FOXP1: variants seen among roughly 807,000 people sequenced by gnomAD.
FOXP1 encodes the protein forkhead box P1.
Under a neutral mutation model 98.2 loss-of-function variants are expected in FOXP1, and 15 were observed. The observed-to-expected ratio is 0.15, with a 90% CI of 0.10 to 0.24. The LOEUF (loss-of-function observed/expected upper bound fraction) is 0.24, where lower values mean the gene tolerates loss of function less well. Among genes scored for constraint, FOXP1 ranks in the 10% least tolerant of loss-of-function variants. The pLI is 1.00. For synonymous variants in FOXP1, 371 were observed against 314.5 expected, an observed-to-expected ratio of 1.18 and a Z score of -1.90; for missense variants, 633 against 848.5, an observed-to-expected ratio of 0.75 and a Z score of 3.15.
Position 71,041,512 on chromosome 3 carries a change from G to C in FOXP1, c.685C>G (p.Gln229Glu), listed in dbSNP as rs758563562. Reference sequence around the variant, plus strand: ...CTTGTCACTTCTTTCCAGAGCTGCTGCAGTTCTGTTGGAATCATGCCTGAA... The same window carrying C: ...CTTGTCACTTCTTTCCAGAGCTGCTCCAGTTCTGTTGGAATCATGCCTGAA... ...LAQGMIPTEL[Q>E]QLWKEVTSAH... is the part of the protein sequence containing the mutation. Residue 229 changes from glutamine to glutamate, a missense_variant, in exon 11 of 21, where the codon CAG becomes GAG. Gln to Glu is a conservative substitution (Grantham distance 29). Transcript: ENST00000649528. 6.2e-7 allele frequency: 1 copy of C among 1,613,812 alleles called. No homozygotes were observed. The highest frequency in any genetic ancestry group is 1.1e-5 in the South Asian group (1 of 91,090).
intron 3 of FOXP1, among the ~76,000 whole-genome samples, chr3:71,397,075 C>CACATATATATGTGTATATATATACACAT (rs1398732675): frequency 2.6e-5 from 1 of 38,474 alleles, no homozygotes; most frequent in African/African-American, 1.2e-4. Flanking sequence ...TATATATATA[C>CACATATATATGTGTATATATATACACAT]ATATATATGT....
At chr3:71,396,979 TATGTGTATATATATAC>T (rs2081468351) in intron 3 of FOXP1, among the ~76,000 whole-genome samples, 1 of 61,238 alleles carries the variant, frequency 1.6e-5, no homozygotes, top group Admixed American at 1.5e-4. Flanking sequence ...TATATATATA[TATGTGTATATATATAC>T]ACATATATAT....
chr3:71,384,238 AAACAAACC>A (rs1389287374), intron 3 of FOXP1, among the ~76,000 whole-genome samples: 10 of 152,050 alleles, frequency 6.6e-5, no homozygotes, highest in Admixed American at 3.3e-4. Flanking sequence ...ACAAACAAAC[AAACAAACC>A]AACAAACAAA....
intron 11 of FOXP1, among the ~76,000 whole-genome samples, chr3:71,022,123 A>G (rs1411429783): frequency 6.6e-6 from 1 of 152,142 alleles, no homozygotes; most frequent in East Asian, 1.9e-4. Flanking sequence ...GTTTTAAGTT[A>G]ATTTTTGCAT....
chr3:71,024,349 T>A (rs1357645636), intron 11 of FOXP1, among the ~76,000 whole-genome samples: 1 of 152,196 alleles, frequency 6.6e-6, no homozygotes, highest in Non-Finnish European at 1.5e-5. Context: ...TCTAGCACAC[T>A]GCCTTAATTT....
intron 6 of FOXP1, among the ~76,000 whole-genome samples, chr3:71,182,427 G>T (rs9844174): frequency 0.47 from 70,682 of 151,242 alleles, 17,261 homozygotes; most frequent in African/African-American, 0.61. Context: ...AAAAATAACT[G>T]TTCATTTTTA....
intron 4 of FOXP1, among the ~76,000 whole-genome samples, chr3:71,308,335 C>G (rs1266122765): frequency 6.6e-6 from 1 of 152,066 alleles, no homozygotes. Flanking sequence ...GATGATGAAA[C>G]GCGAGAGCTA....
chr3:71,226,548 TTCTCTC>T (rs10701218), intron 5 of FOXP1, among the ~76,000 whole-genome samples: 6 of 146,166 alleles, frequency 4.1e-5, no homozygotes, highest in Non-Finnish European at 7.5e-5. Context: ...CTTCCCGGGG[TTCTCTC>T]TCTCTCTCTC....
intron 3 of FOXP1, among the ~76,000 whole-genome samples, chr3:71,399,230 G>T (rs766307379): frequency 5.3e-5 from 8 of 151,424 alleles, no homozygotes; most frequent in Non-Finnish European, 1.2e-4. Context: ...ATAGGTTTAG[G>T]TGTATACATA....
intron 2 of FOXP1, among the ~76,000 whole-genome samples, chr3:71,544,798 GA>G (rs2045222414): frequency 6.6e-6 from 1 of 151,608 alleles, no homozygotes; most frequent in Non-Finnish European, 1.5e-5. Flanking sequence ...GTGAAACTTG[GA>G]TAATAGTTCT....
intron 2 of FOXP1, among the ~76,000 whole-genome samples, chr3:71,510,179 T>C (rs1242306725): frequency 6.8e-6 from 1 of 148,014 alleles, no homozygotes; most frequent in Non-Finnish European, 1.5e-5. Flanking sequence ...AGACTCTGTC[T>C]CAAAAAATAA....
chr3:71,222,108 G>A (rs892198443), intron 5 of FOXP1, among the ~76,000 whole-genome samples: 3 of 152,144 alleles, frequency 2.0e-5, no homozygotes, highest in Admixed American at 1.3e-4. Flanking sequence ...AGCCGAGATT[G>A]CGACACTGCA....
intron 2 of FOXP1, among the ~76,000 whole-genome samples, chr3:71,508,321 G>C (rs1377229016): frequency 6.6e-6 from 1 of 152,146 alleles, no homozygotes; most frequent in Non-Finnish European, 1.5e-5. Context: ...AAATTTGGGG[G>C]ACAAAGTATT....
chr3:71,576,620 G>C (rs944131485), intron 2 of FOXP1, among the ~76,000 whole-genome samples: 2 of 152,154 alleles, frequency 1.3e-5, no homozygotes, highest in African/African-American at 4.8e-5. Context: ...CAGACTGAAG[G>C]AACTAATTTA....
intron 7 of FOXP1, among the ~76,000 whole-genome samples, chr3:71,089,608 AAC>A (rs972079712): frequency 6.6e-5 from 10 of 152,182 alleles, no homozygotes; most frequent in African/African-American, 2.4e-4. Context: ...TTCCTGCAGG[AAC>A]ACTCTTCCCT....
intron 3 of FOXP1, among the ~76,000 whole-genome samples, chr3:71,453,185 G>T (rs1330538814): frequency 6.6e-6 from 1 of 151,942 alleles, no homozygotes; most frequent in African/African-American, 2.4e-5. Flanking sequence ...CCAGTATCAG[G>T]GTATGTCCCC....
At chr3:71,259,386 G>T (rs1003185645) in intron 5 of FOXP1, among the ~76,000 whole-genome samples, 1 of 152,244 alleles carries the variant, frequency 6.6e-6, no homozygotes, top group African/African-American at 2.4e-5. Context: ...GAGAAGACAT[G>T]CGTAAAGGAT....
At chr3:71,424,902 G>A (rs1297775134) in intron 3 of FOXP1, among the ~76,000 whole-genome samples, 1 of 152,194 alleles carries the variant, frequency 6.6e-6, no homozygotes, top group African/African-American at 2.4e-5. Flanking sequence ...CAAGCCAACT[G>A]TAAGAGGTAA....
intron 7 of FOXP1, among the ~76,000 whole-genome samples, chr3:71,105,001 G>A (rs1281993435): frequency 1.3e-5 from 2 of 152,206 alleles, no homozygotes; most frequent in East Asian, 1.9e-4. Context: ...TTGTAGAGAT[G>A]CCTCATACCT....
Sources: allele counts gnomAD v4.1 joint callset (sites outside exome capture counted in the v4.1 genomes callset), GRCh38; gene constraint gnomAD v4.1.1; transcripts MANE v1.5; gene names NCBI Gene and HGNC (gene_info 2026-07-23, HGNC 2026-07-21).